Variants in SLC14A2 observed in about 807,000 individuals in gnomAD.
The protein encoded by SLC14A2 is solute carrier family 14 member 2, also known as urea transporter 2.
In SLC14A2, 91 loss-of-function variants were observed where a neutral mutation model predicts 104.6. The ratio of observed to expected loss-of-function variants is 0.87; its 90% CI spans 0.73 to 1.04. SLC14A2 has a LOEUF of 1.04. Ranked by LOEUF, SLC14A2 falls within the 50% of genes least tolerant of loss-of-function variation. The pLI is 0.00. For missense variants in SLC14A2, 1,189 were observed against 1,156.0 expected, an observed-to-expected ratio of 1.03 and a Z score of -0.41; for synonymous variants, 476 against 466.4, an observed-to-expected ratio of 1.02 and a Z score of -0.27.
At chr18:45,465,705 C>A (rs2087128748) in intron 1 of SLC14A2, among the ~76,000 whole-genome samples, 1 of 152,108 alleles carries the variant, frequency 6.6e-6, no homozygotes. Flanking sequence ...GCCCACCTGA[C>A]CCAGGAAATG....
chr18:45,675,248 A>T (rs549824746), intron 18 of SLC14A2, among the ~76,000 whole-genome samples: 1 of 152,304 alleles, frequency 6.6e-6, no homozygotes, highest in East Asian at 1.9e-4. Context: ...CAGTAATAAT[A>T]TCTAACATTT....
intron 2 of SLC14A2, among the ~76,000 whole-genome samples, chr18:45,557,671 T>C (rs186990624): frequency 6.6e-6 from 1 of 152,298 alleles, no homozygotes; most frequent in African/African-American, 2.4e-5. Flanking sequence ...CCCCATATAT[T>C]GGGCCTGGAG....
At chr18:45,426,225 C>T (rs2086424064) in intron 1 of SLC14A2, among the ~76,000 whole-genome samples, 1 of 152,150 alleles carries the variant, frequency 6.6e-6, no homozygotes, top group African/African-American at 2.4e-5. Flanking sequence ...TAGCTTCTCC[C>T]TGTTCTGGAC....
At chr18:45,571,311 G>T (rs996250250) in intron 2 of SLC14A2, among the ~76,000 whole-genome samples, 1 of 152,248 alleles carries the variant, frequency 6.6e-6, no homozygotes, top group Admixed American at 6.5e-5. Flanking sequence ...ATGGAGCCAT[G>T]AGGGACTGTT....
At chr18:45,524,008 C>G (rs2043555158) in intron 2 of SLC14A2, among the ~76,000 whole-genome samples, 1 of 152,198 alleles carries the variant, frequency 6.6e-6, no homozygotes, top group South Asian at 2.1e-4. Context: ...TGAATTGAAC[C>G]TCAGGACTGG....
chr18:45,328,382 A>C (rs1025483678), intron 1 of SLC14A2, among the ~76,000 whole-genome samples: 17 of 152,166 alleles, frequency 1.1e-4, no homozygotes, highest in Non-Finnish European at 1.5e-5. Flanking sequence ...GGAATGATGG[A>C]CAAAGCCATG....
the SLC14A2 span, among the ~76,000 whole-genome samples, chr18:45,186,112 T>C: frequency 1.3e-5 from 2 of 152,194 alleles, no homozygotes; most frequent in Admixed American, 6.5e-5. Context: ...GTTGTTGAAA[T>C]TGGCAAAATG....
chr18:45,566,778 C>T (rs1046497171), intron 2 of SLC14A2, among the ~76,000 whole-genome samples: 5 of 152,190 alleles, frequency 3.3e-5, no homozygotes, highest in Non-Finnish European at 7.3e-5. Flanking sequence ...CAGGTAACTG[C>T]AGGGCGGTAC....
chr18:45,506,124 A>G (rs185634820), intron 2 of SLC14A2, among the ~76,000 whole-genome samples: 169 of 152,302 alleles, frequency 1.1e-3, no homozygotes, highest in African/African-American at 3.9e-3. Context: ...GGGACCTTGA[A>G]GGTGTCAGGT....
the SLC14A2 span, among the ~76,000 whole-genome samples, chr18:45,203,370 G>A: frequency 1.3e-5 from 2 of 152,128 alleles, no homozygotes; most frequent in Admixed American, 6.5e-5. Flanking sequence ...ATCACTTCAA[G>A]GTTCAGGCGG....
At chr18:45,407,792 C>A (rs2086172522) in intron 1 of SLC14A2, among the ~76,000 whole-genome samples, 1 of 152,142 alleles carries the variant, frequency 6.6e-6, no homozygotes, top group African/African-American at 2.4e-5. Context: ...AGTGGAGCAG[C>A]CAGAACACAC....
upstream of SLC14A2, among the ~76,000 whole-genome samples, chr18:45,208,297 T>C (rs2083932238): frequency 6.6e-6 from 1 of 152,204 alleles, no homozygotes; most frequent in African/African-American, 2.4e-5. Flanking sequence ...ATGCCTAACT[T>C]CTATAATAAT....
At chr18:45,393,257 G>A (rs2085991684) in intron 1 of SLC14A2, among the ~76,000 whole-genome samples, 1 of 152,200 alleles carries the variant, frequency 6.6e-6, no homozygotes, top group Admixed American at 6.5e-5. Context: ...AATGTTGGGA[G>A]CTGAGTGTGA....
intron 2 of SLC14A2, among the ~76,000 whole-genome samples, chr18:45,501,867 T>C (rs1200027342): frequency 6.6e-6 from 1 of 152,224 alleles, no homozygotes; most frequent in Non-Finnish European, 1.5e-5. Flanking sequence ...AAGTCTTGGC[T>C]AGAGCAAGAA....
chr18:45,292,989 C>T (rs927882199), intron 1 of SLC14A2, among the ~76,000 whole-genome samples: 1 of 151,756 alleles, frequency 6.6e-6, no homozygotes, highest in African/African-American at 2.4e-5. Flanking sequence ...TTGACACCGC[C>T]CCTGCCCCCC....
intron 1 of SLC14A2, among the ~76,000 whole-genome samples, chr18:45,330,453 G>C (rs2085278057): frequency 6.6e-6 from 1 of 152,222 alleles, no homozygotes; most frequent in Non-Finnish European, 1.5e-5. Flanking sequence ...ATTTTTGTGT[G>C]TAAGTGATGA....
intron 2 of SLC14A2, among the ~76,000 whole-genome samples, chr18:45,601,051 T>C (rs553723919): frequency 1.3e-5 from 2 of 152,282 alleles, no homozygotes; most frequent in African/African-American, 4.8e-5. Flanking sequence ...GTCATCTGCC[T>C]CCAGAGCCTC....
chr18:45,594,230 G>A (rs998145920), intron 2 of SLC14A2, among the ~76,000 whole-genome samples: 1 of 152,210 alleles, frequency 6.6e-6, no homozygotes, highest in Non-Finnish European at 1.5e-5. Flanking sequence ...CAGAGGATTT[G>A]AGAAGGACCA....
chr18:45,365,951 A>G (rs2085661255), intron 1 of SLC14A2, among the ~76,000 whole-genome samples: 1 of 151,858 alleles, frequency 6.6e-6, no homozygotes, highest in Admixed American at 6.6e-5. Context: ...AGATTATCCC[A>G]TAAACAGACT....
Sources: allele counts gnomAD v4.1 joint callset (sites outside exome capture counted in the v4.1 genomes callset), GRCh38; gene constraint gnomAD v4.1.1; transcripts MANE v1.5; gene names NCBI Gene and HGNC (gene_info 2026-07-23, HGNC 2026-07-21).